ADGRB3: variants seen among roughly 807,000 people sequenced by gnomAD.
ADGRB3 encodes adhesion G protein-coupled receptor B3, also known as brain-specific angiogenesis inhibitor 3.
A neutral mutation model predicts 193.4 loss-of-function variants in ADGRB3; 37 were observed. The ratio of observed to expected loss-of-function variants is 0.19; its 90% CI spans 0.15 to 0.25. The LOEUF (loss-of-function observed/expected upper bound fraction) is 0.25. Ranked by LOEUF, ADGRB3 falls within the 10% of genes least tolerant of loss-of-function variation. The pLI is 1.00. For missense variants in ADGRB3, 1,637 were observed against 1,852.9 expected (o/e 0.88, Z 2.14); for synonymous variants, 690 against 644.2 (o/e 1.07, Z -1.08).
In ADGRB3 at chr6:69,060,220, T is replaced by TCTCTC. The variant is rs1771697794; in HGVS notation, c.2334-2714_2334-2713insCTCTC. ...TCTCTTTCTCTGTCTCTCTCTCTCTTTCTCTCTCTCTCTCTCTCTCTCTCT... is the reference window on the plus strand; with the variant it reads ...TCTCTTTCTCTGTCTCTCTCTCTCTTCTCTCTCTCTCTCTCTCTCTCTCTCTCTCT... On this transcript the variant is annotated intron_variant, in intron 15 of 31. Transcript: ENST00000370598. Among the ~76,000 whole-genome samples the TCTCTC allele has an allele frequency of 1.5e-3, 200 of 129,632 alleles. 1 individual carries two copies. The highest frequency in any genetic ancestry group is 3.8e-3 in the Middle Eastern group (1 of 264). 85.0% of individuals were successfully genotyped at this position (129,632 alleles called of 152,430 possible). A position where few individuals can be genotyped will look rare whatever the true frequency, so the allele number is the denominator to read the frequency against.
intron 30 of ADGRB3, among the ~76,000 whole-genome samples, chr6:69,379,175 A>G (rs1724175489): frequency 6.6e-6 from 1 of 152,058 alleles, no homozygotes; most frequent in Admixed American, 6.6e-5. Context: ...TGAATTCTAT[A>G]GATGTGTAGA....
chr6:69,200,130 T>TAA (rs3048267), intron 17 of ADGRB3, among the ~76,000 whole-genome samples: 2,485 of 148,796 alleles, frequency 0.017, 61 homozygotes, highest in African/African-American at 0.057. Context: ...AAGTTTTAAT[T>TAA]AAAAAAAAAA....
chr6:68,667,036 T>C (rs147832961), intron 3 of ADGRB3, among the ~76,000 whole-genome samples: 1 of 151,868 alleles, frequency 6.6e-6, no homozygotes, highest in Non-Finnish European at 1.5e-5. Context: ...AATGGATTAC[T>C]GTATAGTCAA....
At chr6:69,329,059 A>C (rs973545234) in intron 22 of ADGRB3, among the ~76,000 whole-genome samples, 8 of 98,146 alleles carry the variant, frequency 8.2e-5, no homozygotes, top group African/African-American at 3.0e-4. Flanking sequence ...AGATATACTG[A>C]ATCTCTATTA....
At chr6:69,344,965 A>C (rs1769054295) in intron 26 of ADGRB3, among the ~76,000 whole-genome samples, 1 of 152,074 alleles carries the variant, frequency 6.6e-6, no homozygotes, top group Admixed American at 6.6e-5. Flanking sequence ...TGGAGGCATA[A>C]AGCAAATTAT....
chr6:69,347,263 G>T (rs180803567), intron 26 of ADGRB3, among the ~76,000 whole-genome samples: 1 of 151,954 alleles, frequency 6.6e-6, no homozygotes, highest in South Asian at 2.1e-4. Flanking sequence ...TGTAGATGAT[G>T]GGTTGATGGG....
chr6:69,008,312 G>A (rs11754397), intron 11 of ADGRB3, among the ~76,000 whole-genome samples: 19,616 of 152,062 alleles, frequency 0.13, 1,352 homozygotes, highest in Middle Eastern at 0.26. Flanking sequence ...GAACAGAACA[G>A]CCAAATATAG....
chr6:69,082,801 T>C (rs984047068), intron 17 of ADGRB3, among the ~76,000 whole-genome samples: 1 of 152,204 alleles, frequency 6.6e-6, no homozygotes, highest in African/African-American at 2.4e-5. Context: ...TCACTCATTG[T>C]ACTTTATCTC....
intron 26 of ADGRB3, 98 bp downstream of exon 26, chr6:69,339,602 C>T: frequency 7.4e-7 from 1 of 1,357,454 alleles, no homozygotes; most frequent in Non-Finnish European, 1.0e-6. Flanking sequence ...CAGATTAAAG[C>T]TGGTCTCCTC....
At chr6:68,738,458 G>A (rs191674662) in intron 3 of ADGRB3, among the ~76,000 whole-genome samples, 36 of 152,214 alleles carry the variant, frequency 2.4e-4, no homozygotes, top group Non-Finnish European at 3.8e-4. Flanking sequence ...AATTAGGGGG[G>A]AAATAAGTTG....
chr6:68,712,912 AT>A (rs1030198077), intron 3 of ADGRB3, among the ~76,000 whole-genome samples: 110 of 149,202 alleles, frequency 7.4e-4, no homozygotes, highest in African/African-American at 2.0e-3. Flanking sequence ...TAATAAAATA[AT>A]TTTTTTTATA....
chr6:68,764,057 T>C (rs1018013663), intron 3 of ADGRB3, among the ~76,000 whole-genome samples: 13 of 152,098 alleles, frequency 8.5e-5, no homozygotes, highest in African/African-American at 3.1e-4. Flanking sequence ...GGGTGACAAG[T>C]TGGGACCCTG....
intron 3 of ADGRB3, among the ~76,000 whole-genome samples, chr6:68,789,192 T>C (rs1241965033): frequency 6.6e-6 from 1 of 152,104 alleles, no homozygotes; most frequent in Admixed American, 6.6e-5. Context: ...TTTGATCCTG[T>C]CATTATGATG....
chr6:68,750,781 C>T (rs1766183123), intron 3 of ADGRB3, among the ~76,000 whole-genome samples: 1 of 152,080 alleles, frequency 6.6e-6, no homozygotes, highest in Non-Finnish European at 1.5e-5. Flanking sequence ...ATAATGTCAT[C>T]CAGAAAAGTT....
At chr6:69,370,778 T>C (rs1317428070) in intron 29 of ADGRB3, among the ~76,000 whole-genome samples, 2 of 152,134 alleles carry the variant, frequency 1.3e-5, no homozygotes, top group African/African-American at 4.8e-5. Context: ...TTTTGCTGTA[T>C]TAAGAAAGAA....
At chr6:69,328,618 G>T (rs1582635290) in intron 22 of ADGRB3, among the ~76,000 whole-genome samples, 1 of 152,010 alleles carries the variant, frequency 6.6e-6, no homozygotes, top group East Asian at 1.9e-4. Flanking sequence ...AATTATTTTG[G>T]GTTTGAGGTA....
At position 68,956,004 on chromosome 6, in the gene ADGRB3, C is replaced by G; in HGVS notation, c.1196-20C>G. The G allele has an allele frequency of 1.2e-6, 2 of 1,609,370 alleles. No individual in the cohort carries two copies. The highest frequency in any genetic ancestry group is 1.7e-6 in the Non-Finnish European group (2 of 1,177,902). ...CTATTGGAAGATATCCTCATGCTGT[C>G]TCTTTTTCTGCTTTGGTAGTTGATG... On this transcript the variant is annotated intron_variant, in intron 6 of 31. Coordinates refer to ENST00000370598, the MANE Select transcript of ADGRB3 (RefSeq NM_001704.3).
intron 3 of ADGRB3, among the ~76,000 whole-genome samples, chr6:68,725,007 T>C (rs1008478586): frequency 2.0e-5 from 3 of 151,728 alleles, no homozygotes; most frequent in African/African-American, 7.2e-5. Flanking sequence ...CCTGTGGGAA[T>C]GCTACTGGGA....
intron 24 of ADGRB3, among the ~76,000 whole-genome samples, chr6:69,335,401 C>G (rs1768824583): frequency 1.3e-5 from 2 of 152,044 alleles, no homozygotes; most frequent in African/African-American, 4.8e-5. Context: ...GGTTCAAAGG[C>G]CACTCCTAGA....
Sources: allele counts gnomAD v4.1 joint callset (sites outside exome capture counted in the v4.1 genomes callset), GRCh38; gene constraint gnomAD v4.1.1; transcripts MANE v1.5; gene names NCBI Gene and HGNC (gene_info 2026-07-23, HGNC 2026-07-21).